The following PCDH7 variants were observed in gnomAD, a reference collection of about 807,000 sequenced individuals.
PCDH7 encodes the protein protocadherin 7.
A neutral mutation model predicts 58.9 loss-of-function variants in PCDH7; 17 were observed. The observed-to-expected ratio is 0.29, with a 90% CI of 0.20 to 0.43. The LOEUF (loss-of-function observed/expected upper bound fraction) is 0.43, where lower values mean the gene tolerates loss of function less well. Among genes scored for constraint, PCDH7 ranks in the 20% least tolerant of loss-of-function variants. The pLI is 1.00. For missense variants in PCDH7, 1,274 were observed against 1,441.0 expected, an observed-to-expected ratio of 0.88 and a Z score of 1.88; for synonymous variants, 664 against 616.4, an observed-to-expected ratio of 1.08 and a Z score of -1.14.
At chr4:30,836,473 G>C (rs556763240) in intron 1 of PCDH7, among the ~76,000 whole-genome samples, 96 of 152,276 alleles carry the variant, frequency 6.3e-4, no homozygotes, top group African/African-American at 2.3e-3. Context: ...TAAATAGAAA[G>C]TGTAGGAGAA....
At chr4:30,736,800 T>G (rs1380842324), downstream of PCDH7, among the ~76,000 whole-genome samples, 1 of 152,072 alleles carries the variant, frequency 6.6e-6, no homozygotes, top group Admixed American at 6.6e-5. Context: ...CCTCCCAAAG[T>G]GCTGGGATTA....
intron 2 of PCDH7, chr4:30,925,652 A>G (rs1234625044): frequency 6.6e-6 from 1 of 152,130 alleles, no homozygotes; most frequent in Non-Finnish European, 1.5e-5. Context: ...CTTTCCTGTC[A>G]ATTGTGACAT....
intron 2 of PCDH7, among the ~76,000 whole-genome samples, chr4:30,936,372 G>A (rs1048059628): frequency 6.6e-6 from 1 of 151,680 alleles, no homozygotes. Context: ...AACTCCAAAG[G>A]GCTATATTTG....
intron 2 of PCDH7, among the ~76,000 whole-genome samples, chr4:30,922,962 T>G (rs1183741431): frequency 6.6e-6 from 1 of 152,196 alleles, no homozygotes; most frequent in African/African-American, 2.4e-5. Context: ...TCAGTATTAA[T>G]GGATCATTCT....
At chr4:31,127,910 A>T (rs933574715) in intron 3 of PCDH7, among the ~76,000 whole-genome samples, 1 of 151,432 alleles carries the variant, frequency 6.6e-6, no homozygotes, top group Non-Finnish European at 1.5e-5. Flanking sequence ...TAATATGATT[A>T]AATTATAGAG....
chr4:31,130,168 A>T (rs1718802639), intron 3 of PCDH7, among the ~76,000 whole-genome samples: 1 of 152,168 alleles, frequency 6.6e-6, no homozygotes, highest in Non-Finnish European at 1.5e-5. Flanking sequence ...AGAATGACTT[A>T]AAATGATTCC....
Position 30,874,520 on chromosome 4 carries a change from A to T in PCDH7, c.71-45633A>T, listed in dbSNP as rs1229380542. Among the ~76,000 whole-genome samples the T allele has an allele frequency of 1.6e-4, 24 of 145,668 alleles. No homozygotes were observed. In the East Asian group the frequency reaches 4.4e-3, roughly 27 times the overall value. On this transcript the variant is annotated intron_variant, in intron 1 of 3. Coordinates refer to the PCDH7 transcript ENST00000509759. The stretch of plus-strand genomic sequence containing the variant: ...ACACATGGACACAGGAAGGGGAACA[A>T]CACACTCTGGGGACTGTTGTGGGGT...
chr4:30,735,127 A>C (rs1382305072), downstream of PCDH7, among the ~76,000 whole-genome samples: 2 of 152,080 alleles, frequency 1.3e-5, 1 homozygote, highest in East Asian at 3.9e-4. Flanking sequence ...TGACATTTTG[A>C]GGGGGTATGA....
At chr4:31,079,006 G>A (rs1759245519) in intron 3 of PCDH7, among the ~76,000 whole-genome samples, 1 of 151,598 alleles carries the variant, frequency 6.6e-6, no homozygotes. Flanking sequence ...GTGATAATTG[G>A]GTGTAGGAAG....
exon 2 of PCDH7, chr4:30,732,844 A>G (rs1715717642): frequency 1.3e-5 from 2 of 152,238 alleles, no homozygotes; most frequent in African/African-American, 2.4e-5. Flanking sequence ...ATTTTAGTGT[A>G]CTATTAAGCT....
chr4:31,070,540 G>A (rs1758460930), intron 3 of PCDH7, among the ~76,000 whole-genome samples: 2 of 152,036 alleles, frequency 1.3e-5, no homozygotes, highest in African/African-American at 2.4e-5. Flanking sequence ...GTGTCTAGAT[G>A]CTGAATGTTT....
At chr4:30,816,951 C>T (rs1365602995) in intron 1 of PCDH7, among the ~76,000 whole-genome samples, 1 of 152,144 alleles carries the variant, frequency 6.6e-6, no homozygotes, top group Admixed American at 6.5e-5. Context: ...AGCATAGTAT[C>T]TATTCTTGCA....
At chr4:30,739,341 C>CT (rs1031179412) in intron 1 of PCDH7, among the ~76,000 whole-genome samples, 1 of 151,404 alleles carries the variant, frequency 6.6e-6, no homozygotes, top group Non-Finnish European at 1.5e-5. Flanking sequence ...TTCTAAGCTT[C>CT]TAGAGCTAAT....
intron 2 of PCDH7, among the ~76,000 whole-genome samples, chr4:30,935,790 C>G (rs1039633441): frequency 3.3e-5 from 5 of 152,102 alleles, no homozygotes; most frequent in Non-Finnish European, 7.4e-5. Context: ...CCCTTATTCA[C>G]GTCTCCATTT....
intron 3 of PCDH7, among the ~76,000 whole-genome samples, chr4:31,022,875 C>T (rs1459739579): frequency 7.2e-5 from 11 of 151,912 alleles, no homozygotes; most frequent in Non-Finnish European, 1.3e-4. Flanking sequence ...TAGAATAATA[C>T]GGTGAGTGTG....
intron 1 of PCDH7, among the ~76,000 whole-genome samples, chr4:30,848,656 T>C (rs377608148): frequency 6.6e-6 from 1 of 152,156 alleles, no homozygotes; most frequent in Non-Finnish European, 1.5e-5. Flanking sequence ...TGCCAAATCA[T>C]GCTTAAAGTT....
intron 1 of PCDH7, among the ~76,000 whole-genome samples, chr4:30,730,376 A>C (rs1341243183): frequency 6.6e-6 from 1 of 152,114 alleles, no homozygotes; most frequent in Non-Finnish European, 1.5e-5. Flanking sequence ...ATTTAGCATT[A>C]GTGTTGTGGG....
chr4:31,084,217 A>G (rs1371989053), intron 3 of PCDH7, among the ~76,000 whole-genome samples: 1 of 152,186 alleles, frequency 6.6e-6, no homozygotes. Context: ...CATATAAAAT[A>G]CTAACTGAAA....
intron 1 of PCDH7, among the ~76,000 whole-genome samples, chr4:30,818,515 TC>T (rs1727971950): frequency 6.6e-6 from 1 of 152,158 alleles, no homozygotes; most frequent in Non-Finnish European, 1.5e-5. Flanking sequence ...AGAGCAGCTT[TC>T]CCCTTGAAGA....
Sources: gnomAD v4.1 joint callset for allele counts (sites outside exome capture counted in the v4.1 genomes callset) on GRCh38, gnomAD v4.1.1 for gene constraint, MANE v1.5 for transcripts, NCBI Gene and HGNC (gene_info 2026-07-23, HGNC 2026-07-21) for gene names.